The following PAXBP1 variants were observed in gnomAD, a reference collection of about 807,000 sequenced individuals.
PAXBP1 encodes PAX3 and PAX7 binding protein 1, also known as PAX3- and PAX7-binding protein 1.
PAXBP1 carries 44 observed loss-of-function variants against 119.9 expected under a neutral mutation model. The observed-to-expected ratio is 0.37, with a 90% confidence interval of 0.29 to 0.47. The LOEUF is 0.47. Among genes scored for constraint, PAXBP1 ranks in the 20% least tolerant of loss-of-function variants. PAXBP1 has a pLI of 0.99. For synonymous variants in PAXBP1, 393 were observed against 406.6 expected (o/e 0.97, Z 0.40); for missense variants, 898 against 1,134.1 (o/e 0.79, Z 2.99).
rs2043662629 is a variant in PAXBP1, at chr21:32,734,358, A to C, written c.*592T>G. 1 of 152,966 alleles carries C rather than the reference A, an allele frequency of 6.5e-6. No individual in the cohort carries two copies. The highest frequency in any genetic ancestry group is 2.1e-4 in the South Asian group (1 of 4,852). The allele number at this position is 152,966 out of a possible 1,614,324, so 9.5% of individuals were successfully genotyped here. A position where few individuals can be genotyped will look rare whatever the true frequency, so the allele number is the denominator to read the frequency against. On this transcript the variant is annotated 3_prime_UTR_variant, in exon 18 of 18. Coordinates refer to ENST00000331923, the MANE Select transcript of PAXBP1 (RefSeq NM_016631.4). ...TCACATTAAACCCACATTTGACTCT[A>C]ACGCTGATTCAAGGAAGAAAGTTCA...
chr21:32,740,986 C>T (rs1465240609), intron 15 of PAXBP1, among the ~76,000 whole-genome samples: 1 of 152,202 alleles, frequency 6.6e-6, no homozygotes, highest in Admixed American at 6.5e-5. Context: ...ACGTCCTCAA[C>T]ACTGTCATTA....
intron 14 of PAXBP1, 123 bp downstream of exon 14, chr21:32,743,555 A>T: frequency 1.3e-6 from 1 of 777,092 alleles, no homozygotes; most frequent in African/African-American, 1.8e-5. Flanking sequence ...CCACTAATCT[A>T]GTCTCTCTGT....
chr21:32,742,221 T>A (rs897235580), intron 15 of PAXBP1: 1 of 152,168 alleles, frequency 6.6e-6, no homozygotes, highest in Non-Finnish European at 1.5e-5. Context: ...AAAGAGTGAA[T>A]TTTACCGTAT....
At chr21:32,749,520 C>CA (rs2043927122) in intron 10 of PAXBP1, among the ~76,000 whole-genome samples, 1 of 151,986 alleles carries the variant, frequency 6.6e-6, no homozygotes, top group Admixed American at 6.6e-5. Context: ...TATGATGTCC[C>CA]AGATTACTTG....
At position 32,759,856 on chromosome 21, in the gene PAXBP1, T is replaced by C; in HGVS notation, c.1114A>G (p.Asn372Asp). The C allele has an allele frequency of 6.2e-7, 1 of 1,614,054 alleles. No homozygotes were observed. The highest frequency in any genetic ancestry group is 8.5e-7 in the Non-Finnish European group (1 of 1,179,916). The change falls in exon 6 of 18, where the codon AAT becomes GAT. Residue 372 changes from asparagine to aspartate, a missense_variant. Asn to Asp is a conservative substitution (Grantham distance 23, BLOSUM62 1). Transcript: ENST00000331923. ...SSDAKSQKTD[N>D]TVPFKTPSNE... ...CTGGGAGTTTTGAAAGGGACTGTAT[T>C]ATCTGTTTTTTGAGATTTGGCATCT...
chr21:32,739,001 C>G (rs1279540796), intron 15 of PAXBP1, among the ~76,000 whole-genome samples: 1 of 152,166 alleles, frequency 6.6e-6, no homozygotes, highest in East Asian at 1.9e-4. Flanking sequence ...TCCCTCAGTT[C>G]CTGCTGCCAT....
chr21:32,753,062 A>G (rs1273377258), intron 8 of PAXBP1, among the ~76,000 whole-genome samples: 1 of 152,180 alleles, frequency 6.6e-6, no homozygotes, highest in East Asian at 1.9e-4. Flanking sequence ...TCCCAGCCCT[A>G]GATGTGAGTT....
Position 32,751,226 on chromosome 21 carries a change from A to G in PAXBP1, c.1508-8T>C, listed in dbSNP as rs1189935908. On this transcript the variant is annotated splice_region_variant and splice_polypyrimidine_tract_variant and intron_variant, in intron 8 of 17. Coordinates refer to ENST00000331923, the MANE Select transcript of PAXBP1 (RefSeq NM_016631.4). Reference sequence around the variant, plus strand: ...GTGCCATCAGAGCTTTGTCTGCAAAACAACAACAGTTAAAATTAAAAGCCA... The same window carrying G: ...GTGCCATCAGAGCTTTGTCTGCAAAGCAACAACAGTTAAAATTAAAAGCCA... The G allele has an allele frequency of 1.2e-6, 2 of 1,613,000 alleles. No homozygotes were observed. Among genetic ancestry groups the G allele is most frequent in the Non-Finnish European group, 1.7e-6 (2 of 1,179,016 alleles).
intron 2 of PAXBP1, among the ~76,000 whole-genome samples, chr21:32,768,358 C>T (rs2044277423): frequency 6.6e-6 from 1 of 152,196 alleles, no homozygotes; most frequent in African/African-American, 2.4e-5. Flanking sequence ...AGTATTGTTA[C>T]AGGAGCAGAA....
At chr21:32,760,902 CGTGT>C (rs1175775718) in intron 5 of PAXBP1, among the ~76,000 whole-genome samples, 153 bp downstream of exon 5, 37 of 127,780 alleles carry the variant, frequency 2.9e-4, no homozygotes, top group Non-Finnish European at 4.7e-4. Flanking sequence ...TGCGTGCGTG[CGTGT>C]GTGTGTGTGT....
rs573469773 is a variant in PAXBP1, at chr21:32,744,392, C to T, written c.2190+400G>A. On this transcript the variant is annotated intron_variant, in intron 13 of 17. Coordinates refer to ENST00000331923, the MANE Select transcript of PAXBP1 (RefSeq NM_016631.4). ...TCCTGGGCCACATGTCCATGGGCCA[C>T]GGGTTGGACAAGCTTAAATTATCAA... is the stretch of plus-strand genomic sequence containing the variant. Among the ~76,000 whole-genome samples the T allele has an allele frequency of 1.4e-4, 22 of 151,900 alleles. No homozygotes were observed. The East Asian group carries it at 2.9e-3, about 20-fold the overall frequency.
rs1478889454 is a variant in PAXBP1 at position 32,771,330 on chromosome 21, C to T, written c.339G>A (p.Glu113=). Residue 113 remains glutamate, a synonymous_variant, in exon 1 of 18, where the codon GAG becomes GAA. Transcript: ENST00000331923. ...RASLLSFQDE[E]EENEEVFKVK... ...CGTCCGAAGCGCGCACTTTACCTTC[C>T]TCCTCGTCCTGGAAGCTGAGCAGGC... The T allele has an allele frequency of 6.3e-7, 1 of 1,582,720 alleles. No homozygotes were observed. The highest frequency in any genetic ancestry group is 8.5e-7 in the Non-Finnish European group (1 of 1,172,100).
intron 11 of PAXBP1, among the ~76,000 whole-genome samples, chr21:32,746,697 A>G (rs2070748447): frequency 6.6e-6 from 1 of 152,200 alleles, no homozygotes; most frequent in South Asian, 2.1e-4. Flanking sequence ...CAGATCTAGA[A>G]GCAGAAATGC....
Position 32,744,897 on chromosome 21 carries a change from C to A in PAXBP1, c.2085G>T (p.Met695Ile). 1 of 1,598,432 alleles carries A rather than the reference C, an allele frequency of 6.3e-7. No homozygotes were observed. The highest frequency in any genetic ancestry group is 8.5e-7 in the Non-Finnish European group (1 of 1,175,402). The part of the protein sequence containing the change: ...LPKLTVIAEN[M>I]WDPFSTTQTS... ...TCTGTGTTGTAGAAAAAGGGTCCCACATATTTTCAGCTATCACTATTAAGA... is the reference window on the plus strand; with the variant it reads ...TCTGTGTTGTAGAAAAAGGGTCCCAAATATTTTCAGCTATCACTATTAAGA... Residue 695 changes from methionine to isoleucine, a missense_variant, in exon 13 of 18, where the codon ATG becomes ATT. Met to Ile is a conservative substitution (Grantham distance 10). Coordinates refer to ENST00000331923, the MANE Select transcript of PAXBP1 (RefSeq NM_016631.4).
intron 10 of PAXBP1, 88 bp from the exon 11 acceptor site, chr21:32,748,786 C>T: frequency 8.5e-7 from 1 of 1,180,050 alleles, no homozygotes; most frequent in Non-Finnish European, 1.2e-6. Context: ...TTCTTTGTAG[C>T]TTCAGTATCA....
chr21:32,742,992 AAATT>A, intron 15 of PAXBP1: 2 of 584,230 alleles, frequency 3.4e-6, no homozygotes, highest in Non-Finnish European at 6.6e-6. Context: ...CTTGCTGAAA[AAATT>A]AATTGTGGCT....
At chr21:32,771,264 G>A in intron 1 of PAXBP1, 62 bp downstream of exon 1, 1 of 1,431,692 alleles carries the variant, frequency 7.0e-7, no homozygotes. Flanking sequence ...ATACGGGGGC[G>A]GGGGACGGGG....
intron 11 of PAXBP1, 152 bp downstream of exon 11, chr21:32,748,347 T>A (rs1032406824): frequency 1.7e-6 from 1 of 590,882 alleles, no homozygotes; most frequent in African/African-American, 1.9e-5. Flanking sequence ...GGAAAGATCA[T>A]AAGATTATAA....
chr21:32,761,306 G>T, intron 4 of PAXBP1, 144 bp from the exon 5 acceptor site: 1 of 677,162 alleles, frequency 1.5e-6, no homozygotes, highest in South Asian at 1.9e-5. Context: ...TCTCTCATTT[G>T]GTAGTCCTGA....
Sources: allele counts gnomAD v4.1 joint callset (sites outside exome capture counted in the v4.1 genomes callset), GRCh38; gene constraint gnomAD v4.1.1; transcripts MANE v1.5; gene names NCBI Gene and HGNC (gene_info 2026-07-23, HGNC 2026-07-21).